Variants in PDE10A observed in about 807,000 individuals in gnomAD.
The protein encoded by PDE10A is cAMP and cAMP-inhibited cGMP 3',5'-cyclic phosphodiesterase 10A.
A neutral mutation model predicts 97.7 loss-of-function variants in PDE10A; 39 were observed. The observed-to-expected ratio is 0.40, with a 90% CI of 0.31 to 0.52. The LOEUF is 0.52. PDE10A is among the 20% of genes least tolerant of loss of function. PDE10A has a pLI of 0.56. For synonymous variants in PDE10A, 371 were observed against 376.8 expected, an observed-to-expected ratio of 0.98 and a Z score of 0.18; for missense variants, 731 against 1,047.8, an observed-to-expected ratio of 0.70 and a Z score of 4.17.
intron 1 of PDE10A, among the ~76,000 whole-genome samples, chr6:165,885,507 G>T (rs558514481): frequency 1.3e-5 from 2 of 152,330 alleles, no homozygotes; most frequent in South Asian, 4.1e-4. Context: ...ATGAGATTTG[G>T]GTGGAGACAC....
At chr6:165,486,126 A>G (rs1179081630) in intron 2 of PDE10A, among the ~76,000 whole-genome samples, 4 of 152,228 alleles carry the variant, frequency 2.6e-5, no homozygotes, top group East Asian at 1.9e-4. Flanking sequence ...TGAATCACCA[A>G]TGGCACACAA....
chr6:165,964,423 T>TCTC (rs1784446609), intron 1 of PDE10A, among the ~76,000 whole-genome samples: 1 of 152,260 alleles, frequency 6.6e-6, no homozygotes, highest in Non-Finnish European at 1.5e-5. Context: ...TGTTCTCTTT[T>TCTC]GTGTCATTGC....
chr6:165,848,776 G>A lies in PDE10A; in HGVS notation c.-615+138753C>T, dbSNP rs147722384. ...ACAGTGGCCGGGGGAATCAAGGTTGGTTAATCAGCGACTTCAAGATAGGGC... is the reference window on the plus strand; with the variant it reads ...ACAGTGGCCGGGGGAATCAAGGTTGATTAATCAGCGACTTCAAGATAGGGC... On this transcript the variant is annotated intron_variant, in intron 1 of 19. Transcript: ENST00000366882. Among the ~76,000 whole-genome samples, 219 of 152,276 alleles carry A rather than the reference G, an allele frequency of 1.4e-3. 2 individuals carry two copies. Among genetic ancestry groups the A allele is most frequent in the African/African-American group, 4.9e-3 (204 of 41,554 alleles).
At position 165,448,921 on chromosome 6, in the gene PDE10A, T is replaced by C; in HGVS notation, c.1194+7A>G. 6.3e-7 allele frequency: 1 copy of C among 1,588,664 alleles called. No homozygotes were observed. Among genetic ancestry groups the C allele is most frequent in the Non-Finnish European group, 8.6e-7 (1 of 1,160,132 alleles). ...TAGAGCACCAAAATCTAAATTTAGA[T>C]ACTTACATTATTGCACTCTCCAAGG... On this transcript the variant is annotated splice_region_variant and intron_variant, in intron 5 of 21. Coordinates refer to ENST00000539869, the MANE Select transcript of PDE10A (RefSeq NM_001385079.1).
At chr6:165,855,209 C>A (rs1415943949) in intron 1 of PDE10A, among the ~76,000 whole-genome samples, 1 of 151,792 alleles carries the variant, frequency 6.6e-6, no homozygotes, top group Non-Finnish European at 1.5e-5. Flanking sequence ...CCGGGCAGCC[C>A]CAGACCCAGA....
chr6:165,568,108 C>G (rs897071692), intron 1 of PDE10A, among the ~76,000 whole-genome samples: 5 of 150,008 alleles, frequency 3.3e-5, no homozygotes, highest in African/African-American at 1.2e-4. Flanking sequence ...ACGCCATTCT[C>G]CTGCCTCAGC....
At chr6:165,664,884 T>C (rs1790458739), upstream of PDE10A, among the ~76,000 whole-genome samples, 1 of 152,224 alleles carries the variant, frequency 6.6e-6, no homozygotes, top group African/African-American at 2.4e-5. Context: ...ACTAAATCTA[T>C]TTTTCAGTTC....
chr6:165,698,055 C>T (rs530322255), intron 1 of PDE10A, among the ~76,000 whole-genome samples: 4 of 152,120 alleles, frequency 2.6e-5, no homozygotes, highest in Non-Finnish European at 4.4e-5. Flanking sequence ...GAAATCAATA[C>T]CATGAAGTGA....
intron 1 of PDE10A, among the ~76,000 whole-genome samples, chr6:165,604,753 C>G (rs1181944676): frequency 1.3e-5 from 2 of 152,160 alleles, no homozygotes; most frequent in Non-Finnish European, 2.9e-5. Context: ...CAAAAGGAAG[C>G]TGCTAAAGGT....
intron 1 of PDE10A, among the ~76,000 whole-genome samples, chr6:165,784,009 G>A (rs1326551979): frequency 1.3e-5 from 2 of 152,084 alleles, no homozygotes; most frequent in Non-Finnish European, 2.9e-5. Flanking sequence ...CACGAGATCA[G>A]GAGTTCAAGA....
At chr6:165,931,531 A>T (rs1208004188) in intron 1 of PDE10A, among the ~76,000 whole-genome samples, 2 of 152,218 alleles carry the variant, frequency 1.3e-5, no homozygotes, top group African/African-American at 2.4e-5. Flanking sequence ...AATTGTATTG[A>T]GTGCCTATTA....
intron 1 of PDE10A, among the ~76,000 whole-genome samples, chr6:165,626,047 G>A (rs1788370494): frequency 6.6e-6 from 1 of 152,222 alleles, no homozygotes; most frequent in Non-Finnish European, 1.5e-5. Context: ...AACATTTAGA[G>A]ATTGAGAGGA....
intron 21 of PDE10A, among the ~76,000 whole-genome samples, chr6:165,334,604 A>T (rs1781541237): frequency 6.6e-6 from 1 of 152,222 alleles, no homozygotes; most frequent in South Asian, 2.1e-4. Context: ...ATTTACATTG[A>T]TATCCCACTT....
chr6:165,432,732 T>C lies in PDE10A; in HGVS notation c.1491+242A>G, dbSNP rs183804284. 7.9e-5 allele frequency among the ~76,000 whole-genome samples: 12 copies of C among 152,272 alleles called. No individual in the cohort carries two copies. In the East Asian group the frequency reaches 1.5e-3, roughly 20 times the overall value. ...TATGACTCAGAGTACAGCATACCTTTTATTGTTACACTGGATTTTACTTAA... is the reference window on the plus strand; with the variant it reads ...TATGACTCAGAGTACAGCATACCTTCTATTGTTACACTGGATTTTACTTAA... On this transcript the variant is annotated intron_variant, in intron 7 of 21. Transcript: ENST00000539869.
chr6:165,504,772 G>A (rs1259783961), intron 2 of PDE10A, among the ~76,000 whole-genome samples: 1 of 152,044 alleles, frequency 6.6e-6, no homozygotes, highest in African/African-American at 2.4e-5. Context: ...AAGAAATATG[G>A]TGGCAGATAT....
At chr6:165,444,127 A>G (rs1047099961) in intron 5 of PDE10A, among the ~76,000 whole-genome samples, 3 of 152,174 alleles carry the variant, frequency 2.0e-5, no homozygotes, top group African/African-American at 7.2e-5. Context: ...GCCAGGCCTC[A>G]TCTCCATCTG....
Position 165,980,814 on chromosome 6 carries a change from C to T in PDE10A, c.-615+6715G>A, listed in dbSNP as rs773280776. 2.6e-5 allele frequency among the ~76,000 whole-genome samples: 4 copies of T among 152,072 alleles called. No individual in the cohort carries two copies. The South Asian group carries it at 6.2e-4, about 24-fold the overall frequency. ...TATATAATATCAAGATATTGGTCAT[C>T]GTGATTGCTACCTTGTATTCATCAA... is the stretch of plus-strand genomic sequence containing the variant. On this transcript the variant is annotated intron_variant, in intron 1 of 19. Transcript: ENST00000366882.
intron 1 of PDE10A, among the ~76,000 whole-genome samples, chr6:165,922,945 T>C (rs1214820045): frequency 6.6e-6 from 1 of 152,140 alleles, no homozygotes; most frequent in Non-Finnish European, 1.5e-5. Flanking sequence ...AATCCCAAAG[T>C]CTACACAGAG....
At chr6:165,764,823 C>T (rs9457114) in intron 1 of PDE10A, among the ~76,000 whole-genome samples, 29,487 of 151,994 alleles carry the variant, frequency 0.19, 3,408 homozygotes, top group East Asian at 0.37. Context: ...CGAAGGGGAC[C>T]CGAGCGGGTT....
Sources: gnomAD v4.1 joint callset for allele counts (sites outside exome capture counted in the v4.1 genomes callset) on GRCh38, gnomAD v4.1.1 for gene constraint, MANE v1.5 for transcripts, NCBI Gene and HGNC (gene_info 2026-07-23, HGNC 2026-07-21) for gene names.